ALKAL1: variants seen among roughly 807,000 people sequenced by gnomAD.
ALKAL1 encodes the protein AUG-beta.
A neutral mutation model predicts 13.5 loss-of-function variants in ALKAL1; 23 were observed. That is an observed-to-expected ratio of 1.70 (90% CI 1.23 to 2.41). The LOEUF (loss-of-function observed/expected upper bound fraction) is 2.41, where lower values mean the gene tolerates loss of function less well. ALKAL1 is among the 30% of genes most tolerant of loss of function. The pLI is 0.00. For missense variants in ALKAL1, 181 were observed against 178.4 expected (o/e 1.01, Z -0.08); for synonymous variants, 85 against 77.7 (o/e 1.09, Z -0.49).
chr8:52,553,953 G>A (rs1847454427), intron 1 of ALKAL1, among the ~76,000 whole-genome samples: 1 of 152,204 alleles, frequency 6.6e-6, no homozygotes, highest in Admixed American at 6.5e-5. Flanking sequence ...GCCGGGTGCA[G>A]TGGCTCATGC....
rs148745803 is a variant in ALKAL1 at position 52,559,239 on chromosome 8, A to G, written c.190+5828T>C. Among the ~76,000 whole-genome samples, 860 of 152,310 alleles carry G rather than the reference A, an allele frequency of 5.6e-3. 8 individuals are homozygous for G. The highest frequency in any genetic ancestry group is 0.02 in the African/African-American group (826 of 41,560). Reference sequence around the variant, plus strand: ...GAGCATGCTTGTATAGTGATTCTAAAAAAGGGGGCTTAATCGTTATGTTCC... The same window carrying G: ...GAGCATGCTTGTATAGTGATTCTAAGAAAGGGGGCTTAATCGTTATGTTCC... On this transcript the variant is annotated intron_variant, in intron 1 of 4. Transcript: ENST00000358543.
chr8:52,535,385 CAAAAAAA>C (rs879837990), intron 4 of ALKAL1, among the ~76,000 whole-genome samples: 1 of 116,502 alleles, frequency 8.6e-6, no homozygotes, highest in Admixed American at 9.0e-5. Flanking sequence ...CTGTTGCCAC[CAAAAAAA>C]AAAAAAAAAT....
At chr8:52,542,540 C>A in intron 1 of ALKAL1, 95 bp from the exon 2 acceptor site, 1 of 755,652 alleles carries the variant, frequency 1.3e-6, no homozygotes, top group Non-Finnish European at 2.2e-6. Flanking sequence ...AGGCACTAAA[C>A]ACATGGATTT....
At chr8:52,538,191 C>G (rs1345529422) in intron 4 of ALKAL1, among the ~76,000 whole-genome samples, 1 of 151,490 alleles carries the variant, frequency 6.6e-6, no homozygotes, top group Non-Finnish European at 1.5e-5. Flanking sequence ...CTCTGCAGCA[C>G]TGTAGGGTGA....
chr8:52,559,669 G>C (rs892102495), intron 1 of ALKAL1, among the ~76,000 whole-genome samples: 1 of 152,130 alleles, frequency 6.6e-6, no homozygotes, highest in Non-Finnish European at 1.5e-5. Context: ...GATGATCCCA[G>C]GAGCCTCATT....
In ALKAL1 at chr8:52,534,304, A is replaced by G. The variant is rs975238194; in HGVS notation, c.*309T>C. 4.2e-6 allele frequency: 1 copy of G among 237,368 alleles called. No homozygotes were observed. The highest frequency in any genetic ancestry group is 2.2e-5 in the African/African-American group (1 of 44,818). The allele number at this position is 237,368 out of a possible 1,614,324, so 14.7% of individuals were successfully genotyped here. A position where few individuals can be genotyped will look rare whatever the true frequency, so the allele number is the denominator to read the frequency against. On this transcript the variant is annotated 3_prime_UTR_variant, in exon 5 of 5. Transcript: ENST00000358543. ...TAAATGTTTAATTAGAATGTTAACCATATAAAGAAAATAATATATCTAGTA... is the reference window on the plus strand; with the variant it reads ...TAAATGTTTAATTAGAATGTTAACCGTATAAAGAAAATAATATATCTAGTA...
intron 1 of ALKAL1, among the ~76,000 whole-genome samples, chr8:52,549,066 C>T (rs1847402228): frequency 1.3e-5 from 2 of 152,082 alleles, no homozygotes; most frequent in African/African-American, 4.8e-5. Flanking sequence ...ATAATTTGTT[C>T]TGATATGATT....
chr8:52,535,412 A>G (rs1296578740), intron 4 of ALKAL1, among the ~76,000 whole-genome samples: 1 of 151,426 alleles, frequency 6.6e-6, no homozygotes, highest in South Asian at 2.1e-4. Context: ...TTAGATGAGC[A>G]TGGCAGCATG....
rs543774462 is a variant in ALKAL1, at chr8:52,538,323, C to A, written c.*12+108G>T. ...CAAGTATCAAAATGTAACACTGTACCCCATAAATATGTACAATCATTATGT... is the reference window on the plus strand; with the variant it reads ...CAAGTATCAAAATGTAACACTGTACACCATAAATATGTACAATCATTATGT... On this transcript the variant is annotated intron_variant, in intron 4 of 4. Coordinates refer to ENST00000358543, the MANE Select transcript of ALKAL1 (RefSeq NM_207413.4). 1.5e-4 allele frequency: 101 copies of A among 668,334 alleles called. No individual in the cohort carries two copies. The African/African-American group carries it at 1.8e-3, about 12-fold the overall frequency. The allele number at this position is 668,334 out of a possible 1,614,324, so 41.4% of individuals were successfully genotyped here. A position where few individuals can be genotyped will look rare whatever the true frequency, so the allele number is the denominator to read the frequency against.
At chr8:52,553,494 A>C (rs1322981128) in intron 1 of ALKAL1, among the ~76,000 whole-genome samples, 1 of 152,204 alleles carries the variant, frequency 6.6e-6, no homozygotes, top group Non-Finnish European at 1.5e-5. Context: ...CTCTCTTAGG[A>C]CTGGACAGTC....
intron 2 of ALKAL1, among the ~76,000 whole-genome samples, chr8:52,540,286 A>G (rs918963466): frequency 1.3e-5 from 2 of 152,254 alleles, no homozygotes; most frequent in African/African-American, 4.8e-5. Context: ...TTTATTTAAT[A>G]GCAATTAATG....
At chr8:52,555,421 G>C (rs764963338) in intron 1 of ALKAL1, among the ~76,000 whole-genome samples, 3 of 152,162 alleles carry the variant, frequency 2.0e-5, no homozygotes, top group Non-Finnish European at 4.4e-5. Context: ...TTCCTAGAGA[G>C]AGTAAACTCA....
intron 1 of ALKAL1, among the ~76,000 whole-genome samples, chr8:52,560,207 GTAAAACACATT>G (rs1327330261): frequency 1.3e-5 from 2 of 152,102 alleles, no homozygotes; most frequent in Admixed American, 6.5e-5. Flanking sequence ...ATAACTCCAA[GTAAAACACATT>G]TAATAAAATT....
chr8:52,553,931 T>C (rs1478852733), intron 1 of ALKAL1, among the ~76,000 whole-genome samples: 1 of 152,156 alleles, frequency 6.6e-6, no homozygotes, highest in Non-Finnish European at 1.5e-5. Context: ...CTTATAAAAA[T>C]GCTAAAACAG....
chr8:52,552,244 C>T (rs964788328), intron 1 of ALKAL1, among the ~76,000 whole-genome samples: 1 of 151,902 alleles, frequency 6.6e-6, no homozygotes, highest in African/African-American at 2.4e-5. Context: ...ACTGAGATTA[C>T]GGGTGTTAGG....
At chr8:52,539,730 G>A in intron 3 of ALKAL1, 101 bp downstream of exon 3, 1 of 829,964 alleles carries the variant, frequency 1.2e-6, no homozygotes, top group Non-Finnish European at 1.9e-6. Context: ...GAATCTCAAT[G>A]TTTAGTCTAC....
At chr8:52,534,871 C>A (rs1331640459) in intron 4 of ALKAL1, among the ~76,000 whole-genome samples, 2 of 152,168 alleles carry the variant, frequency 1.3e-5, no homozygotes, top group African/African-American at 4.8e-5. Flanking sequence ...GTAAACAACT[C>A]ATTAAATATC....
chr8:52,555,093 C>A (rs1452022362), intron 1 of ALKAL1, among the ~76,000 whole-genome samples: 22 of 151,770 alleles, frequency 1.4e-4, no homozygotes, highest in Admixed American at 1.3e-3. Flanking sequence ...ATGGTGTGAA[C>A]CTGGGAGGCG....
rs552659380 is a variant in ALKAL1 at position 52,565,191 on chromosome 8, C to A, written c.66G>T (p.Pro22=). 20 of 1,359,554 alleles carry A rather than the reference C, an allele frequency of 1.5e-5. No individual in the cohort carries two copies. The East Asian group carries it at 4.6e-4, about 32-fold the overall frequency. 84.2% of individuals were successfully genotyped at this position (1,359,554 alleles called of 1,614,324 possible). Residue 22 remains proline, a synonymous_variant, in exon 1 of 5, where the codon CCG becomes CCT. Transcript: ENST00000358543. ...CCCGGGGCCTCCCGTGGGCTCCGTG[C>A]GGGGACAAAGCCAGCGCCAGCAGGA... ...ALFLLALALS[P]HGAHGRPRGR...
Sources: allele counts gnomAD v4.1 joint callset (sites outside exome capture counted in the v4.1 genomes callset), GRCh38; gene constraint gnomAD v4.1.1; transcripts MANE v1.5; gene names NCBI Gene and HGNC (gene_info 2026-07-23, HGNC 2026-07-21).